CCDC7: variants seen among roughly 807,000 people sequenced by gnomAD.
CCDC7 encodes the protein coiled-coil domain containing 7.
Under a neutral mutation model 196.9 loss-of-function variants are expected in CCDC7, and 183 were observed. The observed-to-expected ratio is 0.93, with a 90% CI of 0.82 to 1.05. The LOEUF (loss-of-function observed/expected upper bound fraction) is 1.05. Ranked by LOEUF, CCDC7 falls within the 50% of genes least tolerant of loss-of-function variation. The probability of loss-of-function intolerance (pLI) is 0.00; values close to 1 mark genes in which losing one functional copy is unlikely to be tolerated. For missense variants in CCDC7, 1,540 were observed against 1,482.2 expected (o/e 1.04, Z -0.64); for synonymous variants, 525 against 484.6 (o/e 1.08, Z -1.10).
At position 32,517,165 on chromosome 10, in the gene CCDC7, C is replaced by G. The variant is rs1244295333; in HGVS notation, c.873-780C>G. Among the ~76,000 whole-genome samples, 7 of 152,260 alleles carry G rather than the reference C, an allele frequency of 4.6e-5. No homozygotes were observed. In the Middle Eastern group the frequency reaches 0.014, roughly 296 times the overall value. On this transcript the variant is annotated intron_variant, in intron 9 of 41. Transcript: ENST00000639629. ...ATTGAAGAATAGTGACAGAGACCATCAGGCTTGCAGAATCTAAGATACTTA... is the reference window on the plus strand; with the variant it reads ...ATTGAAGAATAGTGACAGAGACCATGAGGCTTGCAGAATCTAAGATACTTA...
chr10:32,503,335 T>C (rs948458497), intron 9 of CCDC7, among the ~76,000 whole-genome samples: 6 of 152,200 alleles, frequency 3.9e-5, no homozygotes, highest in Non-Finnish European at 5.9e-5. Context: ...TACCTATTTA[T>C]TGATGGGTCT....
upstream of CCDC7, among the ~76,000 whole-genome samples, chr10:32,449,763 A>AGGTG (rs1200164776): frequency 1.3e-5 from 2 of 152,274 alleles, no homozygotes; most frequent in East Asian, 3.9e-4. Flanking sequence ...TAGAATTAGG[A>AGGTG]GGTGGGGCCT....
intron 9 of CCDC7, chr10:32,499,368 A>G (rs2043490349): frequency 6.6e-6 from 1 of 152,112 alleles, no homozygotes; most frequent in Non-Finnish European, 1.5e-5. Context: ...TTCAAAATAA[A>G]TTTATCAGAA....
At chr10:32,476,320 TC>T (rs2038961739) in intron 8 of CCDC7, among the ~76,000 whole-genome samples, 1 of 152,236 alleles carries the variant, frequency 6.6e-6, no homozygotes, top group Non-Finnish European at 1.5e-5. Context: ...TATTAGTCTT[TC>T]TTTTACCTAA....
rs1025309873 is a variant in CCDC7, at chr10:32,726,044, A to G, written c.2570-690A>G. On this transcript the variant is annotated intron_variant, in intron 25 of 41. Transcript: ENST00000639629. ...TTTTTCCTGCCCTGTTGTCTTGTAG[A>G]TAACAAACTACAGTGTTTTCTTGCT... Among the ~76,000 whole-genome samples the G allele has an allele frequency of 1.4e-4, 21 of 152,096 alleles. 1 individual carries two copies. The highest frequency in any genetic ancestry group is 2.9e-4 in the Non-Finnish European group (20 of 68,020).
intron 6 of CCDC7, among the ~76,000 whole-genome samples, chr10:32,472,103 G>C (rs895989481): frequency 3.9e-5 from 6 of 152,112 alleles, no homozygotes; most frequent in Non-Finnish European, 8.8e-5. Flanking sequence ...GATGAAACAG[G>C]TTTTGACCCA....
chr10:32,506,366 C>T (rs2045105254), intron 9 of CCDC7, among the ~76,000 whole-genome samples: 1 of 151,200 alleles, frequency 6.6e-6, no homozygotes, highest in Admixed American at 6.6e-5. Context: ...TCTTCACTTC[C>T]AGACGGGGCA....
chr10:32,777,725 A>G (rs996469565), intron 28 of CCDC7, among the ~76,000 whole-genome samples: 4 of 152,014 alleles, frequency 2.6e-5, no homozygotes, highest in East Asian at 3.9e-4. Flanking sequence ...TTAGCCAGGT[A>G]TGGTGGCATG....
chr10:32,493,396 G>GTA (rs959826438), intron 9 of CCDC7, among the ~76,000 whole-genome samples: 6 of 149,390 alleles, frequency 4.0e-5, no homozygotes, highest in African/African-American at 9.8e-5. Context: ...ATATATATCT[G>GTA]TATATATATA....
intron 28 of CCDC7, among the ~76,000 whole-genome samples, chr10:32,778,666 C>A (rs2080518826): frequency 6.6e-6 from 1 of 152,104 alleles, no homozygotes; most frequent in Non-Finnish European, 1.5e-5. Flanking sequence ...TATTAGGCTT[C>A]TTTTTGGATT....
intron 18 of CCDC7, among the ~76,000 whole-genome samples, chr10:32,615,931 C>T (rs2062720322): frequency 6.6e-6 from 1 of 152,038 alleles, no homozygotes; most frequent in Non-Finnish European, 1.5e-5. Context: ...ATTAGGATAT[C>T]TTTTCCTCAG....
At chr10:32,773,717 G>A (rs1212959644) in intron 28 of CCDC7, among the ~76,000 whole-genome samples, 1 of 151,786 alleles carries the variant, frequency 6.6e-6, no homozygotes, top group Non-Finnish European at 1.5e-5. Flanking sequence ...CTTTTTTGGT[G>A]GTGTCATATT....
At chr10:32,617,667 G>A (rs1041811789) in intron 18 of CCDC7, among the ~76,000 whole-genome samples, 8 of 151,826 alleles carry the variant, frequency 5.3e-5, no homozygotes, top group South Asian at 2.1e-4. Flanking sequence ...ATATGATTTC[G>A]ATTTTTGAAA....
chr10:32,708,847 A>T (rs1019845015), intron 24 of CCDC7, among the ~76,000 whole-genome samples: 6 of 152,210 alleles, frequency 3.9e-5, no homozygotes, highest in African/African-American at 1.4e-4. Context: ...ATGTGGAGAA[A>T]TAGGAACACT....
chr10:32,456,790 A>G (rs1588719303), intron 3 of CCDC7, among the ~76,000 whole-genome samples: 1 of 152,164 alleles, frequency 6.6e-6, no homozygotes, highest in Admixed American at 6.5e-5. Flanking sequence ...ATGTAAGACT[A>G]CAGTGGAATT....
chr10:32,670,029 T>TG (rs2073740821), intron 21 of CCDC7, among the ~76,000 whole-genome samples: 1 of 152,122 alleles, frequency 6.6e-6, no homozygotes, highest in Non-Finnish European at 1.5e-5. Context: ...CATCTTCGCT[T>TG]GGGGCACGTT....
At chr10:32,445,823 C>T (rs1426745656), upstream of CCDC7, among the ~76,000 whole-genome samples, 1 of 152,210 alleles carries the variant, frequency 6.6e-6, no homozygotes, top group African/African-American at 2.4e-5. Flanking sequence ...AGATGAAGGA[C>T]TGGGGCTCTG....
chr10:32,489,636 T>C (rs1452836005), intron 8 of CCDC7, among the ~76,000 whole-genome samples: 1 of 152,186 alleles, frequency 6.6e-6, no homozygotes, highest in East Asian at 1.9e-4. Context: ...GATTGAGCTG[T>C]GGCTTAGCTC....
intron 16 of CCDC7, among the ~76,000 whole-genome samples, chr10:32,579,035 A>G (rs914193604): frequency 1.3e-5 from 2 of 152,322 alleles, no homozygotes; most frequent in Non-Finnish European, 2.9e-5. Flanking sequence ...ACAGGAATTA[A>G]AACATTCTCA....
Sources: allele counts gnomAD v4.1 joint callset (sites outside exome capture counted in the v4.1 genomes callset), GRCh38; gene constraint gnomAD v4.1.1; transcripts MANE v1.5; gene names NCBI Gene and HGNC (gene_info 2026-07-23, HGNC 2026-07-21).